PREX1: variants seen among roughly 807,000 people sequenced by gnomAD.
The protein encoded by PREX1 is phosphatidylinositol 3,4,5-trisphosphate-dependent Rac exchanger 1 protein.
PREX1 carries 41 observed loss-of-function variants against 198.3 expected under a neutral mutation model. That is an observed-to-expected ratio of 0.21 (90% CI 0.16 to 0.27). PREX1 has a LOEUF of 0.27. Among genes scored for constraint, PREX1 ranks in the 10% least tolerant of loss-of-function variants. The probability of loss-of-function intolerance (pLI) is 1.00; values close to 1 mark genes in which losing one functional copy is unlikely to be tolerated. For synonymous variants in PREX1, 843 were observed against 887.2 expected, an observed-to-expected ratio of 0.95 and a Z score of 0.89; for missense variants, 1,620 against 2,200.7, an observed-to-expected ratio of 0.74 and a Z score of 5.28.
intron 24 of PREX1, 114 bp from the exon 25 acceptor site, chr20:48,649,690 CT>C: frequency 2.4e-6 from 3 of 1,236,562 alleles, no homozygotes; most frequent in Non-Finnish European, 3.3e-6. Flanking sequence ...AAAAATGTCC[CT>C]TCTAAATACT....
intron 4 of PREX1, among the ~76,000 whole-genome samples, chr20:48,730,058 C>T (rs1294718704): frequency 6.6e-6 from 1 of 152,090 alleles, no homozygotes; most frequent in Admixed American, 6.5e-5. Context: ...AAGACAGGAT[C>T]CTTCCCTGGA....
chr20:48,698,160 G>T (rs2089856366), intron 7 of PREX1, among the ~76,000 whole-genome samples: 1 of 152,220 alleles, frequency 6.6e-6, no homozygotes, highest in South Asian at 2.1e-4. Context: ...CTCACTTGTG[G>T]AAGTGAGGTG....
upstream of PREX1, among the ~76,000 whole-genome samples, chr20:48,828,071 C>G (rs1330628139): frequency 7.5e-5 from 11 of 147,460 alleles, no homozygotes; most frequent in Admixed American, 1.3e-4. Context: ...GGGGGCGGCC[C>G]TCGGGGCTCC....
At chr20:48,632,138 T>C (rs992567208) in intron 35 of PREX1, 139 bp downstream of exon 35, 1 of 779,482 alleles carries the variant, frequency 1.3e-6, no homozygotes, top group Non-Finnish European at 2.2e-6. Context: ...GCAAGAGTGC[T>C]GTCACACAGA....
In PREX1 at chr20:48,650,189, C is replaced by T. The variant is rs1340390975; in HGVS notation, c.2835G>A (p.Lys945=). The T allele has an allele frequency of 1.2e-6, 2 of 1,612,992 alleles. No individual in the cohort carries two copies. Among genetic ancestry groups the T allele is most frequent in the Admixed American group, 3.3e-5 (2 of 60,012 alleles). The change falls in exon 24 of 40, where the codon AAG becomes AAA. Residue 945 remains lysine (K), a synonymous_variant. Transcript: ENST00000371941. ...GTTTGAAGGGTGGGCTGACCCTGCTCTTCAGTTGGGCTGCAAACTGAGAAA... is the reference window on the plus strand; with the variant it reads ...GTTTGAAGGGTGGGCTGACCCTGCTTTTCAGTTGGGCTGCAAACTGAGAAA... ...ACYQEFAAQL[K]SRVSPPFKQA...
At chr20:48,698,302 G>A (rs757210035) in intron 7 of PREX1, among the ~76,000 whole-genome samples, 2 of 152,320 alleles carry the variant, frequency 1.3e-5, no homozygotes, top group African/African-American at 2.4e-5. Flanking sequence ...GCCTGCACCC[G>A]GAAGCCAAAG....
At chr20:48,745,298 T>C (rs1488032768) in intron 2 of PREX1, 151 bp from the exon 3 acceptor site, 3 of 786,402 alleles carry the variant, frequency 3.8e-6, no homozygotes, top group East Asian at 2.6e-5. Context: ...AATAGAAATC[T>C]TTGTAATAAC....
chr20:48,659,991 C>T lies in PREX1; in HGVS notation c.1809G>A (p.Gly603=). Residue 603 remains glycine, a synonymous_variant, in exon 16 of 40, where the codon GGG becomes GGA. Coordinates refer to ENST00000371941, the MANE Select transcript of PREX1 (RefSeq NM_020820.4). ...FRFHADEEME[G]TSSKNKQLRN... ...GAAGCTGTTTGTTCTTGCTGCTGGT[C>T]CCCTCCATCTCCTCGTCAGCATGAA... is the stretch of plus-strand genomic sequence containing the variant. The T allele has an allele frequency of 6.2e-7, 1 of 1,614,228 alleles. No individual in the cohort carries two copies. The highest frequency in any genetic ancestry group is 8.5e-7 in the Non-Finnish European group (1 of 1,180,048).
At chr20:48,633,725 GCACATC>G (rs1297023399) in intron 33 of PREX1, among the ~76,000 whole-genome samples, 2 of 152,110 alleles carry the variant, frequency 1.3e-5, no homozygotes, top group Non-Finnish European at 2.9e-5. Context: ...AGCCCTGGCT[GCACATC>G]CAGACTACCC....
At chr20:48,805,824 C>A (rs1720439156) in intron 1 of PREX1, among the ~76,000 whole-genome samples, 1 of 152,244 alleles carries the variant, frequency 6.6e-6, no homozygotes, top group African/African-American at 2.4e-5. Flanking sequence ...CCAGTGCCAA[C>A]TGACAATGAG....
intron 26 of PREX1, among the ~76,000 whole-genome samples, 190 bp from the exon 27 acceptor site, chr20:48,644,687 C>T (rs545863126): frequency 3.3e-5 from 5 of 152,264 alleles, no homozygotes; most frequent in South Asian, 2.1e-4. Flanking sequence ...GGGTTTTCCA[C>T]GCCTGAGGGC....
At chr20:48,632,452 G>C (rs2089322412) in intron 34 of PREX1, 44 bp downstream of exon 34, 1 of 1,613,460 alleles carries the variant, frequency 6.2e-7, no homozygotes, top group Admixed American at 1.7e-5. Flanking sequence ...TGGTGGCCTT[G>C]GCCCGGCCCC....
chr20:48,731,026 T>G (rs1601101589), intron 4 of PREX1, among the ~76,000 whole-genome samples: 4 of 152,016 alleles, frequency 2.6e-5, no homozygotes, highest in Admixed American at 2.6e-4. Context: ...AACAAAAAAT[T>G]TCAGACTCTT....
chr20:48,881,072 A>G, the PREX1 span, among the ~76,000 whole-genome samples: 1 of 150,858 alleles, frequency 6.6e-6, no homozygotes, highest in African/African-American at 2.5e-5. Flanking sequence ...TGAGGAAGAC[A>G]TGGGACATGT....
At chr20:48,767,674 C>T (rs939206538) in intron 1 of PREX1, among the ~76,000 whole-genome samples, 2 of 152,192 alleles carry the variant, frequency 1.3e-5, no homozygotes, top group Admixed American at 6.5e-5. Context: ...TGTACTTTCC[C>T]GACATTTCCC....
intron 1 of PREX1, among the ~76,000 whole-genome samples, chr20:48,789,584 C>T (rs990259637): frequency 6.6e-6 from 1 of 152,216 alleles, no homozygotes; most frequent in African/African-American, 2.4e-5. Flanking sequence ...CCAGCCCCCA[C>T]GCAGCCACTT....
At chr20:48,824,055 T>A (rs1411098809) in intron 1 of PREX1, among the ~76,000 whole-genome samples, 2 of 152,216 alleles carry the variant, frequency 1.3e-5, no homozygotes, top group Admixed American at 6.5e-5. Flanking sequence ...GTTTTCATCA[T>A]GACTAACGCT....
At chr20:48,849,273 A>C in the PREX1 span, among the ~76,000 whole-genome samples, 3 of 152,218 alleles carry the variant, frequency 2.0e-5, no homozygotes, top group Non-Finnish European at 4.4e-5. Context: ...ATGTGTGATT[A>C]TATATGTGTC....
chr20:48,748,293 CA>C (rs1405304428), intron 1 of PREX1, among the ~76,000 whole-genome samples: 1 of 152,008 alleles, frequency 6.6e-6, no homozygotes, highest in African/African-American at 2.4e-5. Context: ...TGAGTAATAA[CA>C]CAGTCACATG....
Sources: gnomAD v4.1 joint callset for allele counts (sites outside exome capture counted in the v4.1 genomes callset) on GRCh38, gnomAD v4.1.1 for gene constraint, MANE v1.5 for transcripts, NCBI Gene and HGNC (gene_info 2026-07-23, HGNC 2026-07-21) for gene names.